TMOD3: variants seen among roughly 807,000 people sequenced by gnomAD.
TMOD3 encodes tropomodulin-3.
A neutral mutation model predicts 39.2 loss-of-function variants in TMOD3; 20 were observed. That is an observed-to-expected ratio of 0.51 (90% CI 0.36 to 0.74). The LOEUF (loss-of-function observed/expected upper bound fraction) is 0.74. Ranked by LOEUF, TMOD3 falls within the 30% of genes least tolerant of loss-of-function variation. The pLI, the probability that TMOD3 is intolerant of heterozygous loss-of-function variation, is 0.00. For missense variants in TMOD3, 381 were observed against 412.8 expected, an observed-to-expected ratio of 0.92 and a Z score of 0.67; for synonymous variants, 143 against 145.8, an observed-to-expected ratio of 0.98 and a Z score of 0.14.
chr15:51,871,850 G>C (rs1179038811), intron 3 of TMOD3, among the ~76,000 whole-genome samples: 2 of 152,192 alleles, frequency 1.3e-5, no homozygotes, highest in Non-Finnish European at 2.9e-5. Context: ...ATAAATGGAA[G>C]TAGTTGAACA....
intron 5 of TMOD3, among the ~76,000 whole-genome samples, chr15:51,891,190 T>C (rs1276713533): frequency 6.6e-6 from 1 of 152,104 alleles, no homozygotes; most frequent in Non-Finnish European, 1.5e-5. Context: ...ATTTGGTTGT[T>C]TGTCTTTTTA....
At chr15:51,843,984 G>C (rs1050550901) in intron 1 of TMOD3, among the ~76,000 whole-genome samples, 4 of 150,818 alleles carry the variant, frequency 2.7e-5, no homozygotes, top group African/African-American at 9.8e-5. Context: ...AGCACTTCTT[G>C]CTGTTACCTG....
At chr15:51,846,202 G>A (rs1038236206) in intron 1 of TMOD3, among the ~76,000 whole-genome samples, 2 of 151,360 alleles carry the variant, frequency 1.3e-5, no homozygotes, top group Non-Finnish European at 2.9e-5. Flanking sequence ...ATAGTGGCAC[G>A]CACCTATTGT....
intron 3 of TMOD3, among the ~76,000 whole-genome samples, chr15:51,885,379 G>A (rs1007645801): frequency 1.3e-5 from 2 of 151,472 alleles, no homozygotes; most frequent in Non-Finnish European, 2.9e-5. Context: ...TGGAGGGAAG[G>A]TCAGCAGACA....
intron 1 of TMOD3, among the ~76,000 whole-genome samples, chr15:51,847,950 G>A (rs2056343921): frequency 6.6e-6 from 1 of 152,110 alleles, no homozygotes; most frequent in East Asian, 1.9e-4. Context: ...GCCTTTGAGA[G>A]GTGAGTAGGT....
chr15:51,888,862 T>G (rs1175468133), intron 4 of TMOD3, among the ~76,000 whole-genome samples, 194 bp from the exon 5 acceptor site: 1 of 151,996 alleles, frequency 6.6e-6, no homozygotes, highest in African/African-American at 2.4e-5. Context: ...TTTAGAAATG[T>G]GGGGGAAAAT....
intron 1 of TMOD3, chr15:51,858,173 C>T (rs1475550602): frequency 2.0e-5 from 3 of 152,162 alleles, no homozygotes; most frequent in Non-Finnish European, 4.4e-5. Context: ...CTACCTCACC[C>T]TCCCAAGTAG....
At chr15:51,874,766 TC>T (rs755247653) in intron 3 of TMOD3, among the ~76,000 whole-genome samples, 2 of 152,192 alleles carry the variant, frequency 1.3e-5, no homozygotes, top group Non-Finnish European at 2.9e-5. Context: ...GAATTTTTTT[TC>T]CCTGTGTTAT....
chr15:51,895,303 G>T (rs1246777107), intron 6 of TMOD3, among the ~76,000 whole-genome samples: 1 of 148,622 alleles, frequency 6.7e-6, no homozygotes, highest in Non-Finnish European at 1.5e-5. Context: ...TGCAACCTCT[G>T]CCCTGCCCCA....
intron 1 of TMOD3, chr15:51,833,450 T>G (rs1287265503): frequency 3.9e-5 from 6 of 152,260 alleles, no homozygotes. Flanking sequence ...GACAATTGTA[T>G]ACACTGTAAC....
At position 51,909,829 on chromosome 15, in the gene TMOD3, T is replaced by C. The variant is rs899204130; in HGVS notation, c.*1019T>C. 15 of 152,234 alleles carry C rather than the reference T, an allele frequency of 9.9e-5. No individual in the cohort carries two copies. Among genetic ancestry groups the C allele is most frequent in the African/African-American group, 3.1e-4 (13 of 41,468 alleles). 9.4% of individuals were successfully genotyped at this position (152,234 alleles called of 1,614,324 possible). A position where few individuals can be genotyped will look rare whatever the true frequency, so the allele number is the denominator to read the frequency against. ...AGAAGTTCCTATGTGCAGTGCAGAA[T>C]TGCATAAACAGTATTTAATCACTGC... On this transcript the variant is annotated 3_prime_UTR_variant, in exon 10 of 10. Coordinates refer to ENST00000308580, the MANE Select transcript of TMOD3 (RefSeq NM_014547.5).
At chr15:51,871,636 T>A (rs2056475270) in intron 3 of TMOD3, among the ~76,000 whole-genome samples, 1 of 152,020 alleles carries the variant, frequency 6.6e-6, no homozygotes. Flanking sequence ...TAGGAAAATA[T>A]CTTGGAGGAT....
At chr15:51,903,847 T>A (rs1381561401) in intron 9 of TMOD3, among the ~76,000 whole-genome samples, 1 of 152,226 alleles carries the variant, frequency 6.6e-6, no homozygotes, top group Non-Finnish European at 1.5e-5. Flanking sequence ...AAAAAGATGG[T>A]TGACCAGAGC....
chr15:51,870,644 C>A (rs758675958), intron 3 of TMOD3, among the ~76,000 whole-genome samples: 1 of 152,116 alleles, frequency 6.6e-6, no homozygotes, highest in Non-Finnish European at 1.5e-5. Context: ...GTAGGTAAGC[C>A]GTAAGCTCTG....
intron 1 of TMOD3, among the ~76,000 whole-genome samples, chr15:51,844,875 T>A (rs1032108974): frequency 6.6e-6 from 1 of 152,166 alleles, no homozygotes. Flanking sequence ...ACTGTTAACT[T>A]TTTTTTCCCC....
intron 1 of TMOD3, among the ~76,000 whole-genome samples, chr15:51,857,497 C>T (rs1213488945): frequency 6.6e-6 from 1 of 152,098 alleles, no homozygotes; most frequent in Non-Finnish European, 1.5e-5. Flanking sequence ...CTTTACAGAA[C>T]CTGGGTGGCA....
At position 51,887,609 on chromosome 15, in the gene TMOD3, C is replaced by G. The variant is rs2056571526; in HGVS notation, c.304C>G (p.Gln102Glu). 1.2e-6 allele frequency: 2 copies of G among 1,612,030 alleles called. No individual in the cohort carries two copies. Residue 102 changes from glutamine to glutamate, a missense_variant, in exon 4 of 10, where the codon CAG becomes GAG. Physicochemically the swap from Gln to Glu is conservative, Grantham distance 29. Transcript: ENST00000308580. ...TACAGGGAAAATATTTATCCCCAAACAGAAACCTGTACAGACTTTTACAGA... is the reference window on the plus strand; with the variant it reads ...TACAGGGAAAATATTTATCCCCAAAGAGAAACCTGTACAGACTTTTACAGA... ...EKKGKIFIPK[Q>E]KPVQTFTEEK...
chr15:51,907,345 G>C (rs1374431209), intron 9 of TMOD3: 1 of 152,160 alleles, frequency 6.6e-6, no homozygotes, highest in African/African-American at 2.4e-5. Context: ...AAACTTAAGA[G>C]TCAGGCGAAC....
At position 51,862,850 on chromosome 15, in the gene TMOD3, C is replaced by G; in HGVS notation, c.-35C>G. Reference sequence around the variant, plus strand: ...AGAGATCACTTCTGACTGTACTGAACAGCAAAAATTAAGTGACTTGCTGCC... The same window carrying G: ...AGAGATCACTTCTGACTGTACTGAAGAGCAAAAATTAAGTGACTTGCTGCC... On this transcript the variant is annotated 5_prime_UTR_variant, in exon 2 of 10. Coordinates refer to ENST00000308580, the MANE Select transcript of TMOD3 (RefSeq NM_014547.5). 6.3e-7 allele frequency: 1 copy of G among 1,599,894 alleles called. No homozygotes were observed. Among genetic ancestry groups the G allele is most frequent in the Non-Finnish European group, 8.5e-7 (1 of 1,174,796 alleles).
Sources: gnomAD v4.1 joint callset for allele counts (sites outside exome capture counted in the v4.1 genomes callset) on GRCh38, gnomAD v4.1.1 for gene constraint, MANE v1.5 for transcripts, NCBI Gene and HGNC (gene_info 2026-07-23, HGNC 2026-07-21) for gene names.